Variants in KCNH5 observed in about 807,000 individuals in gnomAD.
KCNH5 encodes potassium voltage-gated channel subfamily H member 5.
Under a neutral mutation model 96.1 loss-of-function variants are expected in KCNH5, and 46 were observed. The ratio of observed to expected loss-of-function variants is 0.48; its 90% CI spans 0.38 to 0.61. The LOEUF (loss-of-function observed/expected upper bound fraction) is 0.61. Among genes scored for constraint, KCNH5 ranks in the 20% least tolerant of loss-of-function variants. KCNH5 has a pLI of 0.00. For missense variants in KCNH5, 907 were observed against 1,225.8 expected (o/e 0.74, Z 3.88); for synonymous variants, 439 against 449.8 (o/e 0.98, Z 0.30).
chr14:62,860,018 C>G (rs180945053), intron 7 of KCNH5, among the ~76,000 whole-genome samples: 2 of 152,292 alleles, frequency 1.3e-5, no homozygotes, highest in Non-Finnish European at 2.9e-5. Context: ...ATATATATCA[C>G]TTCCATTTGA....
chr14:62,822,772 T>A (rs752780305), intron 8 of KCNH5, among the ~76,000 whole-genome samples: 4 of 151,940 alleles, frequency 2.6e-5, no homozygotes, highest in Non-Finnish European at 5.9e-5. Flanking sequence ...AAAATGAATT[T>A]TATCGATCAT....
intron 10 of KCNH5, among the ~76,000 whole-genome samples, chr14:62,772,718 A>G (rs1886016559): frequency 6.6e-6 from 1 of 152,050 alleles, no homozygotes; most frequent in Non-Finnish European, 1.5e-5. Context: ...TAACCAGTAC[A>G]GCAGTATTGA....
chr14:63,015,464 T>G (rs879157928), intron 2 of KCNH5, among the ~76,000 whole-genome samples: 23 of 152,026 alleles, frequency 1.5e-4, no homozygotes, highest in Middle Eastern at 6.3e-3. Flanking sequence ...GATGACTCTC[T>G]CTCTCTGCCT....
chr14:62,872,086 T>C (rs377728453), intron 7 of KCNH5, among the ~76,000 whole-genome samples: 54 of 152,352 alleles, frequency 3.5e-4, no homozygotes, highest in African/African-American at 9.9e-4. Context: ...TTCCAGCTTA[T>C]TGAAAAGAAA....
intron 9 of KCNH5, among the ~76,000 whole-genome samples, chr14:62,791,841 C>T (rs570791931): frequency 2.0e-5 from 3 of 151,368 alleles, no homozygotes; most frequent in Non-Finnish European, 3.0e-5. Context: ...CTTCAATAAC[C>T]CACTTTCAAC....
At chr14:62,786,783 G>A (rs1595622082) in intron 9 of KCNH5, among the ~76,000 whole-genome samples, 1 of 152,088 alleles carries the variant, frequency 6.6e-6, no homozygotes, top group Middle Eastern at 3.4e-3. Context: ...TATCTGTTAT[G>A]GAAATCTGTG....
intron 8 of KCNH5, among the ~76,000 whole-genome samples, chr14:62,808,712 T>C (rs1238602348): frequency 2.0e-5 from 3 of 152,118 alleles, no homozygotes; most frequent in Non-Finnish European, 4.4e-5. Flanking sequence ...GTAATTCTAA[T>C]ATGACTTAGT....
intron 8 of KCNH5, among the ~76,000 whole-genome samples, chr14:62,827,062 A>C (rs10138498): frequency 0.11 from 16,508 of 152,200 alleles, 1,133 homozygotes; most frequent in East Asian, 0.3. Context: ...AAGGAGCACA[A>C]GAATAAATAT....
At chr14:63,028,454 C>T (rs1950990) in intron 1 of KCNH5, among the ~76,000 whole-genome samples, 43,383 of 152,014 alleles carry the variant, frequency 0.29, 7,389 homozygotes, top group East Asian at 0.57. Context: ...TTTCTTCCTT[C>T]ACTGATCACT....
chr14:62,864,097 A>T (rs982602325), intron 7 of KCNH5, among the ~76,000 whole-genome samples: 2 of 152,150 alleles, frequency 1.3e-5, no homozygotes, highest in African/African-American at 4.8e-5. Context: ...TAGAAACATG[A>T]CTAAGGGGAT....
intron 7 of KCNH5, among the ~76,000 whole-genome samples, chr14:62,895,721 A>G (rs1208629943): frequency 1.3e-5 from 2 of 152,232 alleles, no homozygotes; most frequent in Non-Finnish European, 2.9e-5. Flanking sequence ...GATGACAAGG[A>G]GACATTGAAA....
At chr14:62,993,154 T>C (rs931769449) in intron 4 of KCNH5, among the ~76,000 whole-genome samples, 1 of 152,094 alleles carries the variant, frequency 6.6e-6, no homozygotes, top group Non-Finnish European at 1.5e-5. Flanking sequence ...GGACTATCTA[T>C]TCTGTTCTAT....
intron 8 of KCNH5, among the ~76,000 whole-genome samples, chr14:62,839,667 A>C (rs117658461): frequency 0.012 from 1,778 of 152,302 alleles, 18 homozygotes; most frequent in East Asian, 0.03. Flanking sequence ...AAATCATTCT[A>C]TTATTTACAT....
chr14:62,757,013 G>A (rs114676171), intron 10 of KCNH5, among the ~76,000 whole-genome samples: 1,751 of 152,212 alleles, frequency 0.012, 31 homozygotes, highest in African/African-American at 0.04. Context: ...AAAACCCACA[G>A]AATTGGAGAA....
intron 7 of KCNH5, among the ~76,000 whole-genome samples, chr14:62,895,821 A>G (rs1026966818): frequency 1.3e-5 from 2 of 152,194 alleles, no homozygotes; most frequent in Non-Finnish European, 2.9e-5. Flanking sequence ...GTAAAGGTTC[A>G]TCAGCATTAC....
chr14:62,996,021 C>A (rs113875527), intron 4 of KCNH5, among the ~76,000 whole-genome samples: 3 of 143,762 alleles, frequency 2.1e-5, no homozygotes, highest in African/African-American at 5.2e-5. Context: ...GTCTACTCTA[C>A]CCAAGTTCAA....
rs189143013 is a variant in KCNH5 at position 62,969,961 on chromosome 14, C to G, written c.942+10911G>C. On this transcript the variant is annotated intron_variant, in intron 6 of 10. Coordinates refer to ENST00000322893, the MANE Select transcript of KCNH5 (RefSeq NM_139318.5). ...CCTGTAGCATGAGAATCACTTGAGGCTGGGAGGCAGAGGTTGCAGTGAGCT... is the reference window on the plus strand; with the variant it reads ...CCTGTAGCATGAGAATCACTTGAGGGTGGGAGGCAGAGGTTGCAGTGAGCT... Among the ~76,000 whole-genome samples, 510 of 138,166 alleles carry G rather than the reference C, an allele frequency of 3.7e-3. 2 individuals carry two copies. Among genetic ancestry groups the G allele is most frequent in the Middle Eastern group, 8.3e-3 (2 of 242 alleles). 90.6% of individuals were successfully genotyped at this position (138,166 alleles called of 152,430 possible). A position where few individuals can be genotyped will look rare whatever the true frequency, so the allele number is the denominator to read the frequency against.
chr14:62,725,965 T>A (rs370677543), intron 10 of KCNH5, among the ~76,000 whole-genome samples: 10 of 152,204 alleles, frequency 6.6e-5, no homozygotes, highest in African/African-American at 2.4e-4. Flanking sequence ...AATAAGTAAA[T>A]GAACAGAATA....
At chr14:62,882,662 C>T (rs1418911783) in intron 7 of KCNH5, among the ~76,000 whole-genome samples, 5 of 152,114 alleles carry the variant, frequency 3.3e-5, no homozygotes, top group Non-Finnish European at 7.4e-5. Context: ...ATGGAACATT[C>T]GTTTTACTGT....
Sources: allele counts gnomAD v4.1 joint callset (sites outside exome capture counted in the v4.1 genomes callset), GRCh38; gene constraint gnomAD v4.1.1; transcripts MANE v1.5; gene names NCBI Gene and HGNC (gene_info 2026-07-23, HGNC 2026-07-21).